The following PTPRN2 variants were observed in gnomAD, a reference collection of about 807,000 sequenced individuals.
PTPRN2 encodes the protein protein tyrosine phosphatase receptor type N2.
Under a neutral mutation model 118.8 loss-of-function variants are expected in PTPRN2, and 74 were observed. That is an observed-to-expected ratio of 0.62 (90% CI 0.52 to 0.76). PTPRN2 has a LOEUF of 0.76. PTPRN2 is among the 30% of genes least tolerant of loss of function. The pLI, the probability that PTPRN2 is intolerant of heterozygous loss-of-function variation, is 0.00. For missense variants in PTPRN2, 1,481 were observed against 1,394.4 expected, an observed-to-expected ratio of 1.06 and a Z score of -0.99; for synonymous variants, 641 against 608.0, an observed-to-expected ratio of 1.05 and a Z score of -0.80.
intron 21 of PTPRN2, among the ~76,000 whole-genome samples, chr7:157,564,027 A>G (rs1238604794): frequency 6.6e-6 from 1 of 152,270 alleles, no homozygotes; most frequent in Non-Finnish European, 1.5e-5. Flanking sequence ...GCCTGCCCTT[A>G]AAAGTTAAGA....
Position 158,504,910 on chromosome 7 carries a change from G to T in PTPRN2, c.113-15125C>A, listed in dbSNP as rs1822634275. ...CTCTTAGGATACATTCCCATAAAAAGAATTCTAGATATTTTAAAGGTATAT... is the reference window on the plus strand; with the variant it reads ...CTCTTAGGATACATTCCCATAAAAATAATTCTAGATATTTTAAAGGTATAT... On this transcript the variant is annotated intron_variant, in intron 1 of 22. Transcript: ENST00000389418. Among the ~76,000 whole-genome samples, 6 of 152,082 alleles carry T rather than the reference G, an allele frequency of 3.9e-5. No homozygotes were observed. The South Asian group carries it at 1.0e-3, about 26-fold the overall frequency.
In PTPRN2 at chr7:157,939,155, T is replaced by C. The variant is rs373351817; in HGVS notation, c.1724-40418A>G. 7.8e-4 allele frequency among the ~76,000 whole-genome samples: 118 copies of C among 150,536 alleles called. No individual in the cohort carries two copies. The Middle Eastern group carries it at 0.01, about 13-fold the overall frequency. ...CAAAGCACGCAGGTCCCCACCTCAA[T>C]AGCAAGGTTTCCAGCACGCAAATTC... On this transcript the variant is annotated intron_variant, in intron 11 of 22. Transcript: ENST00000389418.
chr7:157,821,073 C>A (rs983266603), intron 12 of PTPRN2, among the ~76,000 whole-genome samples: 2 of 152,320 alleles, frequency 1.3e-5, no homozygotes, highest in East Asian at 3.9e-4. Context: ...GCTTGTGTGA[C>A]CCCAAGGCAG....
intron 1 of PTPRN2, among the ~76,000 whole-genome samples, chr7:158,583,668 T>C (rs1312089520): frequency 6.6e-6 from 1 of 152,212 alleles, no homozygotes; most frequent in Non-Finnish European, 1.5e-5. Flanking sequence ...TCTAGCTTCA[T>C]GAGTGAACCC....
At chr7:157,723,288 C>T (rs551419296) in intron 12 of PTPRN2, among the ~76,000 whole-genome samples, 2 of 152,324 alleles carry the variant, frequency 1.3e-5, no homozygotes, top group South Asian at 4.1e-4. Context: ...ACGGGGACAG[C>T]TCTGGTCTGG....
chr7:157,621,185 T>C (rs372622678), intron 15 of PTPRN2, among the ~76,000 whole-genome samples, 177 bp downstream of exon 15: 9,628 of 75,634 alleles, frequency 0.13, 797 homozygotes, highest in Non-Finnish European at 0.17. Context: ...ACGGCTAGTT[T>C]CCACTGCCTG....
rs1373848937 is a variant in PTPRN2, at chr7:158,509,688, C to T, written c.113-19903G>A. Among the ~76,000 whole-genome samples, 2 of 152,228 alleles carry T rather than the reference C, an allele frequency of 1.3e-5. No individual in the cohort carries two copies. The highest frequency in any genetic ancestry group is 6.5e-5 in the Admixed American group (1 of 15,286). ...GACAACACACTAGCAGAAGAGACCA[C>T]ACGTCTGTCAGCGCCCACAGGCAGG... is the stretch of plus-strand genomic sequence containing the variant. On this transcript the variant is annotated intron_variant, in intron 1 of 22. Transcript: ENST00000389418. This position sits in a 1 kb window ranked among gnomAD's most constrained non-coding sequence, Gnocchi z 4.4.
chr7:158,560,543 G>T (rs948537964), intron 1 of PTPRN2, among the ~76,000 whole-genome samples: 18 of 152,270 alleles, frequency 1.2e-4, no homozygotes, highest in African/African-American at 3.9e-4. Flanking sequence ...AACACAACGT[G>T]TAAGAACGGT....
At chr7:158,342,213 G>A (rs1363470534) in intron 2 of PTPRN2, among the ~76,000 whole-genome samples, 1 of 109,712 alleles carries the variant, frequency 9.1e-6, no homozygotes, top group African/African-American at 3.8e-5. Flanking sequence ...ACCCACACAC[G>A]TCACTCACAC....
rs1233534753 is a variant in PTPRN2 at position 157,622,605 on chromosome 7, G to A, written c.2197-1096C>T. On this transcript the variant is annotated intron_variant, in intron 14 of 22. Coordinates refer to ENST00000389418, the MANE Select transcript of PTPRN2 (RefSeq NM_002847.5). The surrounding 1 kb of genome is among the most constrained non-coding windows in gnomAD (Gnocchi z 5.3). Reference sequence around the variant, plus strand: ...TGGAAGTTTTGACCACAGCCAACCTGAACCCATGCAGCAAACACACACCCT... The same window carrying A: ...TGGAAGTTTTGACCACAGCCAACCTAAACCCATGCAGCAAACACACACCCT... Among the ~76,000 whole-genome samples the A allele has an allele frequency of 5.9e-5, 9 of 152,312 alleles. No individual in the cohort carries two copies. In the East Asian group the frequency reaches 1.7e-3, roughly 29 times the overall value.
chr7:157,567,689 G>A (rs1799556939), intron 21 of PTPRN2, among the ~76,000 whole-genome samples: 1 of 152,142 alleles, frequency 6.6e-6, no homozygotes, highest in African/African-American at 2.4e-5. Flanking sequence ...GGAAGGCGGA[G>A]GTCTCTGTAT....
chr7:158,244,822 G>T lies in PTPRN2; in HGVS notation c.278-39549C>A, dbSNP rs1365118686. Among the ~76,000 whole-genome samples, 7 of 116,718 alleles carry T rather than the reference G, an allele frequency of 6.0e-5. No individual in the cohort carries two copies. In the South Asian group the frequency reaches 2.2e-3, roughly 37 times the overall value. The allele number at this position is 116,718 out of a possible 152,430, so 76.6% of individuals were successfully genotyped here. A position where few individuals can be genotyped will look rare whatever the true frequency, so the allele number is the denominator to read the frequency against. ...GAGTTGTGTGTGAGAGTGTGTATGA[G>T]TGTGAGTTGTGCACATGTGAGTGTA... On this transcript the variant is annotated intron_variant, in intron 3 of 22. Coordinates refer to ENST00000389418, the MANE Select transcript of PTPRN2 (RefSeq NM_002847.5).
intron 1 of PTPRN2, among the ~76,000 whole-genome samples, chr7:158,516,626 T>C (rs758651826): frequency 6.6e-5 from 10 of 151,810 alleles, no homozygotes; most frequent in Non-Finnish European, 1.2e-4. Context: ...CTATTGTTCC[T>C]GGTGCTGTTC....
At chr7:158,189,896 A>G (rs903790399) in intron 5 of PTPRN2, among the ~76,000 whole-genome samples, 5 of 152,108 alleles carry the variant, frequency 3.3e-5, no homozygotes, top group Admixed American at 3.3e-4. Flanking sequence ...TAAATTACCA[A>G]CGTTCAAGAG....
rs536750353 is a variant in PTPRN2, at chr7:158,538,474, A to G, written c.113-48689T>C. Among the ~76,000 whole-genome samples the G allele has an allele frequency of 5.3e-5, 8 of 152,272 alleles. No individual in the cohort carries two copies. In the South Asian group the frequency reaches 1.7e-3, roughly 32 times the overall value. On this transcript the variant is annotated intron_variant, in intron 1 of 22. Coordinates refer to ENST00000389418, the MANE Select transcript of PTPRN2 (RefSeq NM_002847.5). ...ACCAAGGCTATGGCTGCAAGTTTCC[A>G]AGGAAAAAGCGCAGCCTCCGTGGGT... is the stretch of plus-strand genomic sequence containing the variant.
intron 11 of PTPRN2, among the ~76,000 whole-genome samples, chr7:158,053,317 G>C (rs1809476622): frequency 6.6e-6 from 1 of 152,150 alleles, no homozygotes; most frequent in African/African-American, 2.4e-5. Context: ...GACTGAGGGA[G>C]AAACATGAGC....
At chr7:158,137,475 G>T (rs1406762731) in intron 7 of PTPRN2, among the ~76,000 whole-genome samples, 3 of 151,930 alleles carry the variant, frequency 2.0e-5, no homozygotes, top group East Asian at 1.9e-4. Context: ...GTGCCCAAAG[G>T]TGCGTGACTC....
rs4909166 is a variant in PTPRN2, at chr7:158,272,257, G to A, written c.277+44562C>T. Among the ~76,000 whole-genome samples the A allele has an allele frequency of 1.3e-4, 20 of 152,286 alleles. No homozygotes were observed. The East Asian group carries it at 2.3e-3, about 18-fold the overall frequency. On this transcript the variant is annotated intron_variant, in intron 3 of 22. Coordinates refer to ENST00000389418, the MANE Select transcript of PTPRN2 (RefSeq NM_002847.5). ...GGACGTCTTGTCTTCGGAGAGCCGCGTCTCCGGGGCCCGGGCAGGCCCTGT... is the reference window on the plus strand; with the variant it reads ...GGACGTCTTGTCTTCGGAGAGCCGCATCTCCGGGGCCCGGGCAGGCCCTGT...
At chr7:158,340,985 A>G (rs1382460821) in intron 2 of PTPRN2, among the ~76,000 whole-genome samples, 1 of 73,762 alleles carries the variant, frequency 1.4e-5, no homozygotes, top group African/African-American at 4.7e-5. Context: ...TCACACCCAC[A>G]CTCTCACCAT....
Sources: gnomAD v4.1 joint callset for allele counts (sites outside exome capture counted in the v4.1 genomes callset) on GRCh38, gnomAD v4.1.1 for gene constraint, Gnocchi (gnomAD v3.1) non-coding constraint, MANE v1.5 for transcripts, NCBI Gene and HGNC (gene_info 2026-07-23, HGNC 2026-07-21) for gene names.